The following PCNP variants were observed in gnomAD, a reference collection of about 807,000 sequenced individuals.
PCNP encodes the protein PEST proteolytic signal containing nuclear protein.
PCNP carries 6 observed loss-of-function variants against 21.8 expected under a neutral mutation model. The ratio of observed to expected loss-of-function variants is 0.28; its 90% CI spans 0.15 to 0.54. The LOEUF (loss-of-function observed/expected upper bound fraction) is 0.54, where lower values mean the gene tolerates loss of function less well. Among genes scored for constraint, PCNP ranks in the 20% least tolerant of loss-of-function variants. PCNP has a pLI of 0.95. For missense variants in PCNP, 161 were observed against 215.5 expected, an observed-to-expected ratio of 0.75 and a Z score of 1.58; for synonymous variants, 67 against 73.2, an observed-to-expected ratio of 0.92 and a Z score of 0.43.
intron 1 of PCNP, 194 bp from the exon 2 acceptor site, chr3:101,579,596 A>G (rs1199386735): frequency 2.8e-6 from 2 of 709,700 alleles, no homozygotes; most frequent in Non-Finnish European, 5.2e-6. Context: ...TAGTTAATTC[A>G]TGGGAGCCTC....
At chr3:101,582,703 A>G (rs1421691411) in intron 2 of PCNP, among the ~76,000 whole-genome samples, 1 of 152,252 alleles carries the variant, frequency 6.6e-6, no homozygotes, top group East Asian at 1.9e-4. Flanking sequence ...TGTGTGTGGT[A>G]TAAAAGAAGG....
intron 3 of PCNP, among the ~76,000 whole-genome samples, chr3:101,587,464 T>C (rs1229009638): frequency 6.6e-6 from 1 of 152,062 alleles, no homozygotes; most frequent in South Asian, 2.1e-4. Flanking sequence ...TTCTATCCAT[T>C]TGAGTGCTTT....
rs1195655000 is a variant in PCNP at position 101,592,772 on chromosome 3, G to T, written c.*19G>T. On this transcript the variant is annotated 3_prime_UTR_variant, in exon 5 of 5. Transcript: ENST00000265260. ...CAATTAAATGATGTTTTGAAATTGG[G>T]GTGTGGGGTGGGTGTAAAGTTAAAA... 6.2e-7 allele frequency: 1 copy of T among 1,607,764 alleles called. No homozygotes were observed. Among genetic ancestry groups the T allele is most frequent in the South Asian group, 1.1e-5 (1 of 89,924 alleles).
At position 101,579,977 on chromosome 3, in the gene PCNP, A is replaced by G; in HGVS notation, c.252A>G (p.Ser84=). The G allele has an allele frequency of 6.2e-7, 1 of 1,613,680 alleles. No individual in the cohort carries two copies. The highest frequency in any genetic ancestry group is 8.5e-7 in the Non-Finnish European group (1 of 1,179,544). The change falls in exon 2 of 5, where the codon TCA becomes TCG. Residue 84 remains serine, a synonymous_variant. Coordinates refer to ENST00000265260, the MANE Select transcript of PCNP (RefSeq NM_020357.3). ...GTAGTCAGACGACAAAGAAAGCATC[A>G]GCCATATCCATCAAACTTGGATCAA... ...AIGSQTTKKA[S]AISIKLGSSK...
chr3:101,590,422 G>T lies in PCNP; in HGVS notation c.410+152G>T, dbSNP rs183134838. 4.1e-5 allele frequency: 23 copies of T among 564,856 alleles called. No homozygotes were observed. In the Middle Eastern group the frequency reaches 1.4e-3, roughly 35 times the overall value. The allele number at this position is 564,856 out of a possible 1,614,324, so 35.0% of individuals were successfully genotyped here. A position where few individuals can be genotyped will look rare whatever the true frequency, so the allele number is the denominator to read the frequency against. ...TTCTGTGTACTAGATGATTAATTAG[G>T]ATTTTGAAGATGAATAAGACATGGT... On this transcript the variant is annotated intron_variant, in intron 4 of 4. Transcript: ENST00000265260.
chr3:101,581,229 T>C (rs1235332685), intron 2 of PCNP, among the ~76,000 whole-genome samples: 1 of 152,178 alleles, frequency 6.6e-6, no homozygotes, highest in Admixed American at 6.5e-5. Flanking sequence ...CTGGTAGTTT[T>C]TGTTTAATAT....
intron 2 of PCNP, among the ~76,000 whole-genome samples, chr3:101,583,475 G>T (rs1056978673): frequency 6.6e-6 from 1 of 152,022 alleles, no homozygotes; most frequent in Non-Finnish European, 1.5e-5. Flanking sequence ...AATGAGCCGG[G>T]CATGGCAGGG....
chr3:101,591,623 CCTTT>C (rs1935811335), intron 4 of PCNP, among the ~76,000 whole-genome samples: 2 of 152,036 alleles, frequency 1.3e-5, no homozygotes, highest in South Asian at 4.1e-4. Context: ...TGACACTGAA[CCTTT>C]CTATGTGTAA....
Position 101,587,213 on chromosome 3 carries a change from G to A in PCNP, c.354+1702G>A, listed in dbSNP as rs543205424. ...TACAGTGAGCCAAGATCGTGCCATT[G>A]CACTCCAGCCTGGGCAACAAGAGCA... On this transcript the variant is annotated intron_variant, in intron 3 of 4. Transcript: ENST00000265260. Among the ~76,000 whole-genome samples, 7 of 150,920 alleles carry A rather than the reference G, an allele frequency of 4.6e-5. No individual in the cohort carries two copies. In the South Asian group the frequency reaches 1.5e-3, roughly 31 times the overall value.
chr3:101,579,753 A>T, intron 1 of PCNP, 37 bp from the exon 2 acceptor site: 1 of 1,449,174 alleles, frequency 6.9e-7, no homozygotes, highest in Non-Finnish European at 9.7e-7. Context: ...GCTCAGTAAA[A>T]ATAGCTCATC....
rs893403255 is a variant in PCNP, at chr3:101,574,426, G to C, written c.64+147G>C. 10 of 976,732 alleles carry C rather than the reference G, an allele frequency of 1.0e-5. No homozygotes were observed. In the Admixed American group the frequency reaches 3.1e-4, roughly 30 times the overall value. 60.5% of individuals were successfully genotyped at this position (976,732 alleles called of 1,614,324 possible). A position where few individuals can be genotyped will look rare whatever the true frequency, so the allele number is the denominator to read the frequency against. On this transcript the variant is annotated intron_variant, in intron 1 of 4. Coordinates refer to ENST00000265260, the MANE Select transcript of PCNP (RefSeq NM_020357.3). ...TTGGGCCCAGACCTGCCTCGGGCACGCCCGATGCGGCCCTCTGGGCTCCGG... is the reference window on the plus strand; with the variant it reads ...TTGGGCCCAGACCTGCCTCGGGCACCCCCGATGCGGCCCTCTGGGCTCCGG...
At chr3:101,576,215 A>T (rs1420181078) in intron 1 of PCNP, among the ~76,000 whole-genome samples, 1 of 143,630 alleles carries the variant, frequency 7.0e-6, no homozygotes, top group African/African-American at 2.5e-5. Flanking sequence ...AGTTGGAAGT[A>T]TAAGTTTTTT....
intron 3 of PCNP, 117 bp from the exon 4 acceptor site, chr3:101,590,098 C>T: frequency 7.7e-6 from 5 of 650,076 alleles, no homozygotes; most frequent in Admixed American, 3.0e-5. Context: ...CTCCTTTTAC[C>T]AAAATTTACA....
At chr3:101,581,961 A>G (rs1935247362) in intron 2 of PCNP, among the ~76,000 whole-genome samples, 1 of 151,030 alleles carries the variant, frequency 6.6e-6, no homozygotes, top group Non-Finnish European at 1.5e-5. Context: ...GCTGGTCTCG[A>G]ACTCCCGACC....
chr3:101,575,781 C>T (rs146357927), intron 1 of PCNP, among the ~76,000 whole-genome samples: 1 of 152,272 alleles, frequency 6.6e-6, no homozygotes, highest in African/African-American at 2.4e-5. Flanking sequence ...TATAAATCCA[C>T]TGTATAATTT....
At chr3:101,586,749 C>T (rs1029764817) in intron 3 of PCNP, among the ~76,000 whole-genome samples, 1 of 152,012 alleles carries the variant, frequency 6.6e-6, no homozygotes, top group Non-Finnish European at 1.5e-5. Flanking sequence ...AGGCATGCCC[C>T]ACCATGTTGC....
Position 101,592,864 on chromosome 3 carries a change from A to AT in PCNP, c.*118dup. 2.1e-6 allele frequency: 2 copies of AT among 950,022 alleles called. No individual in the cohort carries two copies. Among genetic ancestry groups the AT allele is most frequent in the Non-Finnish European group, 3.0e-6 (2 of 675,378 alleles). The allele number at this position is 950,022 out of a possible 1,614,324, so 58.8% of individuals were successfully genotyped here. A position where few individuals can be genotyped will look rare whatever the true frequency, so the allele number is the denominator to read the frequency against. On this transcript the variant is annotated 3_prime_UTR_variant, in exon 5 of 5. Coordinates refer to ENST00000265260, the MANE Select transcript of PCNP (RefSeq NM_020357.3). ...TGGAGCCGCTTTTTTTTTCTTTTTC[A>AT]TTTTTTTAAAAGATTGAGTGGTACA...
intron 3 of PCNP, among the ~76,000 whole-genome samples, chr3:101,587,635 A>T (rs1935601939): frequency 6.6e-6 from 1 of 151,116 alleles, no homozygotes; most frequent in African/African-American, 2.4e-5. Flanking sequence ...TAAAGGCCAG[A>T]TACTAGATGC....
chr3:101,579,089 C>T (rs1466306638), intron 1 of PCNP, among the ~76,000 whole-genome samples: 2 of 151,746 alleles, frequency 1.3e-5, no homozygotes, highest in Non-Finnish European at 2.9e-5. Flanking sequence ...ATGATTAGCT[C>T]ATCTTTCATG....
Sources: gnomAD v4.1 joint callset for allele counts (sites outside exome capture counted in the v4.1 genomes callset) on GRCh38, gnomAD v4.1.1 for gene constraint, MANE v1.5 for transcripts, NCBI Gene and HGNC (gene_info 2026-07-23, HGNC 2026-07-21) for gene names.